Variants in SS18 observed in about 807,000 individuals in gnomAD.
The protein encoded by SS18 is protein SSXT.
In SS18, 28 loss-of-function variants were observed where a neutral mutation model predicts 72.5. The observed-to-expected ratio is 0.39, with a 90% CI of 0.29 to 0.53. SS18 has a LOEUF of 0.53. Ranked by LOEUF, SS18 falls within the 20% of genes least tolerant of loss-of-function variation. The probability of loss-of-function intolerance (pLI) is 0.76; values close to 1 mark genes in which losing one functional copy is unlikely to be tolerated. For missense variants in SS18, 518 were observed against 535.3 expected, an observed-to-expected ratio of 0.97 and a Z score of 0.32; for synonymous variants, 172 against 164.2, an observed-to-expected ratio of 1.05 and a Z score of -0.37.
At chr18:26,060,112 T>C (rs779883267) in intron 3 of SS18, among the ~76,000 whole-genome samples, 10 of 152,226 alleles carry the variant, frequency 6.6e-5, no homozygotes, top group Non-Finnish European at 5.9e-5. Context: ...CACAGTGGCA[T>C]TATTCATAAT....
intron 3 of SS18, among the ~76,000 whole-genome samples, chr18:26,071,648 T>C (rs1275719677): frequency 6.6e-6 from 1 of 151,974 alleles, no homozygotes; most frequent in Non-Finnish European, 1.5e-5. Flanking sequence ...CCGGGCGATA[T>C]AAGACCCCAT....
chr18:26,032,675 C>T, intron 9 of SS18, 143 bp from the exon 10 acceptor site: 1 of 864,938 alleles, frequency 1.2e-6, no homozygotes, highest in Non-Finnish European at 1.7e-6. Flanking sequence ...TCCTCAAATG[C>T]TTTCTGAAAT....
chr18:26,081,829 A>C (rs2054529185), intron 2 of SS18, among the ~76,000 whole-genome samples: 1 of 152,054 alleles, frequency 6.6e-6, no homozygotes, highest in African/African-American at 2.4e-5. Flanking sequence ...AGGCTGAGGC[A>C]GGAGGATCGC....
intron 4 of SS18, among the ~76,000 whole-genome samples, chr18:26,056,742 CTTCT>C (rs1180431001): frequency 3.3e-5 from 5 of 152,252 alleles, no homozygotes; most frequent in East Asian, 3.9e-4. Flanking sequence ...TGTATAATGT[CTTCT>C]TTATCAATGA....
At chr18:26,075,232 AT>A (rs1291223199) in intron 3 of SS18, among the ~76,000 whole-genome samples, 34 of 151,950 alleles carry the variant, frequency 2.2e-4, no homozygotes, top group African/African-American at 8.0e-4. Context: ...TAAAGCTAGC[AT>A]AGCCTCAAAA....
chr18:26,051,444 A>C (rs922371520), intron 5 of SS18, among the ~76,000 whole-genome samples: 1 of 152,238 alleles, frequency 6.6e-6, no homozygotes, highest in Non-Finnish European at 1.5e-5. Context: ...ACCATGCTGC[A>C]GCAACATCCA....
At chr18:26,048,674 T>G (rs2053871706) in intron 5 of SS18, among the ~76,000 whole-genome samples, 1 of 152,218 alleles carries the variant, frequency 6.6e-6, no homozygotes, top group Non-Finnish European at 1.5e-5. Flanking sequence ...AATCTCCTTC[T>G]ACTTTCATGT....
chr18:26,073,951 A>C (rs2054362832), intron 3 of SS18, among the ~76,000 whole-genome samples: 1 of 152,172 alleles, frequency 6.6e-6, no homozygotes, highest in South Asian at 2.1e-4. Context: ...GTGAGCAAGA[A>C]AATCAACTAA....
chr18:26,050,909 A>AAAATAAATAAAT lies in SS18; in HGVS notation c.607+1703_607+1714dup, dbSNP rs554116132. ...GGGCAACAGAGCCAGACGCCGTCTC[A>AAAATAAATAAAT]AAATAAATAAATAAATAAATAAACA... On this transcript the variant is annotated intron_variant, in intron 5 of 10. Coordinates refer to ENST00000415083, the MANE Select transcript of SS18 (RefSeq NM_001007559.3). Among the ~76,000 whole-genome samples, 450 of 151,752 alleles carry AAAATAAATAAAT rather than the reference A, an allele frequency of 3.0e-3. 4 individuals carry two copies. Among genetic ancestry groups the AAAATAAATAAAT allele is most frequent in the Middle Eastern group, 0.01 (3 of 294 alleles).
chr18:26,042,659 CT>C (rs1291848288), intron 5 of SS18, among the ~76,000 whole-genome samples: 2 of 145,486 alleles, frequency 1.4e-5, no homozygotes, highest in African/African-American at 5.1e-5. Flanking sequence ...AAAGAATTTT[CT>C]TTTGAAGAGT....
chr18:26,073,745 T>A (rs1471357388), intron 3 of SS18, among the ~76,000 whole-genome samples: 1 of 152,186 alleles, frequency 6.6e-6, no homozygotes, highest in African/African-American at 2.4e-5. Context: ...AAATAAATAT[T>A]CAGTGACAAA....
intron 5 of SS18, among the ~76,000 whole-genome samples, chr18:26,045,920 C>T (rs1165736886): frequency 2.6e-5 from 4 of 152,038 alleles, no homozygotes; most frequent in African/African-American, 4.8e-5. Context: ...CAGTGGCTCA[C>T]GCCTGTATGT....
intron 10 of SS18, among the ~76,000 whole-genome samples, chr18:26,018,582 A>G (rs1193328722): frequency 6.6e-6 from 1 of 152,216 alleles, no homozygotes. Flanking sequence ...AATGAATTTC[A>G]TAGTCCAAAA....
intron 4 of SS18, among the ~76,000 whole-genome samples, chr18:26,053,530 TA>T (rs905719594): frequency 1.5e-5 from 2 of 136,662 alleles, no homozygotes; most frequent in African/African-American, 5.1e-5. Flanking sequence ...CAAAATTAAA[TA>T]ATAAAAAGGT....
chr18:26,040,366 G>A (rs1238526678), intron 5 of SS18, among the ~76,000 whole-genome samples: 1 of 152,168 alleles, frequency 6.6e-6, no homozygotes, highest in African/African-American at 2.4e-5. Flanking sequence ...GTTACGGTAT[G>A]GGGAACTCAT....
chr18:26,032,364 A>G, intron 10 of SS18, 35 bp downstream of exon 10: 1 of 1,606,310 alleles, frequency 6.2e-7, no homozygotes. Context: ...GTGAAGAAAC[A>G]ATGTGGCAAT....
At chr18:26,036,622 TCA>T (rs529081782) in intron 7 of SS18, among the ~76,000 whole-genome samples, 604 of 136,008 alleles carry the variant, frequency 4.4e-3, no homozygotes, top group Middle Eastern at 0.011. Context: ...AAAAATACTC[TCA>T]CTCTTTTTTT....
chr18:26,055,052 T>G (rs894347864), intron 4 of SS18, among the ~76,000 whole-genome samples: 6 of 152,064 alleles, frequency 3.9e-5, no homozygotes, highest in Non-Finnish European at 7.4e-5. Context: ...GAATATCTCT[T>G]GAAGGACAAC....
Position 26,090,526 on chromosome 18 carries a change from TC to T in SS18, c.43del (p.Glu15ArgfsTer21). 6.3e-7 allele frequency: 1 copy of T among 1,586,120 alleles called. No individual in the cohort carries two copies. Among genetic ancestry groups the T allele is most frequent in the Non-Finnish European group, 8.6e-7 (1 of 1,166,936 alleles). On this transcript the variant is annotated frameshift_variant, in exon 1 of 11. Coordinates refer to ENST00000415083, the MANE Select transcript of SS18 (RefSeq NM_001007559.3). LOFTEE classifies it high-confidence loss of function. Reference sequence around the variant, plus strand: ...CTTCTGAATCGCAGCGGGAGTGATCTCCCCCTTGCCTCGCTGCCTCGGGGCC... The same window carrying T: ...CTTCTGAATCGCAGCGGGAGTGATCTCCCCTTGCCTCGCTGCCTCGGGGCC... ...FAAPRQRGKGEITPAAIQKML... is the reference protein window; with the variant it reads ...FAAPRQRGKGXITPAAIQKML...
Sources: gnomAD v4.1 joint callset for allele counts (sites outside exome capture counted in the v4.1 genomes callset) on GRCh38, gnomAD v4.1.1 for gene constraint, MANE v1.5 for transcripts, NCBI Gene and HGNC (gene_info 2026-07-23, HGNC 2026-07-21) for gene names.